PLEKHN1: variants seen among roughly 807,000 people sequenced by gnomAD.
The protein encoded by PLEKHN1 is pleckstrin homology domain-containing family N member 1.
PLEKHN1 carries 68 observed loss-of-function variants against 72.8 expected under a neutral mutation model. The ratio of observed to expected loss-of-function variants is 0.93; its 90% CI spans 0.77 to 1.14. PLEKHN1 has a LOEUF of 1.14. Ranked by LOEUF, PLEKHN1 falls within the 50% of genes most tolerant of loss-of-function variation. The probability of loss-of-function intolerance (pLI) is 0.00; values close to 1 mark genes in which losing one functional copy is unlikely to be tolerated. For missense variants in PLEKHN1, 1,015 were observed against 840.5 expected (o/e 1.21, Z -2.57); for synonymous variants, 454 against 371.6 (o/e 1.22, Z -2.55).
chr1:968,379 C>T (rs1366514853), intron 2 of PLEKHN1, among the ~76,000 whole-genome samples: 1 of 152,252 alleles, frequency 6.6e-6, no homozygotes, highest in Non-Finnish European at 1.5e-5. Flanking sequence ...CCCAGGTTCA[C>T]ACCCGTCCCT....
chr1:972,521 T>G, intron 10 of PLEKHN1, 97 bp downstream of exon 10: 1 of 1,380,462 alleles, frequency 7.2e-7, no homozygotes, highest in Non-Finnish European at 9.6e-7. Context: ...ATCCCAGCAT[T>G]TTAGGAGGCT....
At chr1:966,661 C>G (rs772258930) in intron 1 of PLEKHN1, 43 bp from the exon 2 acceptor site, 16 of 1,586,404 alleles carry the variant, frequency 1.0e-5, no homozygotes, top group Non-Finnish European at 1.4e-5. Context: ...GCTCCCCCAC[C>G]CGCTCCGGGG....
chr1:971,656 C>G, intron 8 of PLEKHN1: 1 of 596,026 alleles, frequency 1.7e-6, no homozygotes, highest in South Asian at 2.0e-5. Context: ...GAGAGCCCCT[C>G]CCGGGGACTC....
intron 13 of PLEKHN1, 56 bp from the exon 14 acceptor site, chr1:973,777 G>A: frequency 1.3e-6 from 2 of 1,578,788 alleles, no homozygotes; most frequent in Middle Eastern, 2.3e-4. Flanking sequence ...ATGGGAGGTT[G>A]AGGTTCTGGG....
intron 2 of PLEKHN1, among the ~76,000 whole-genome samples, chr1:969,900 T>G (rs566035873): frequency 6.6e-6 from 1 of 152,366 alleles, no homozygotes; most frequent in South Asian, 2.1e-4. Flanking sequence ...TATGCATATA[T>G]GTATGCACGT....
intron 2 of PLEKHN1, among the ~76,000 whole-genome samples, chr1:969,139 G>C (rs914294905): frequency 2.6e-5 from 4 of 152,220 alleles, no homozygotes; most frequent in Admixed American, 2.6e-4. Flanking sequence ...CAATACTGCA[G>C]ACGTGGGAGG....
rs530193671 is a variant in PLEKHN1, at chr1:966,614, G to A, written c.83G>A (p.Arg28Lys). ...AGAAAGCCCTCGCTGAAGGGAAACA[G>A]GTGAGCGGGGCGTGGGTGCGGCCAC... Reference protein sequence around the residue: ...FSRKPSLKGNREDSARMSAGL... With the variant: ...FSRKPSLKGNKEDSARMSAGL... Residue 28 changes from arginine to lysine, a missense_variant and splice_region_variant, in exon 1 of 16, where the codon AGA becomes AAA. Transcript: ENST00000379410. The A allele has an allele frequency of 3.7e-6, 6 of 1,608,950 alleles. No individual in the cohort carries two copies. Among genetic ancestry groups the A allele is most frequent in the South Asian group, 3.3e-5 (3 of 90,808 alleles).
chr1:966,913 G>T, intron 2 of PLEKHN1, 110 bp downstream of exon 2: 2 of 1,214,322 alleles, frequency 1.6e-6, no homozygotes, highest in Non-Finnish European at 2.2e-6. Flanking sequence ...GGGGCGTTCA[G>T]ACCCCGGTAG....
chr1:967,725 G>C (rs538325304), intron 2 of PLEKHN1, among the ~76,000 whole-genome samples: 1 of 152,186 alleles, frequency 6.6e-6, no homozygotes, highest in Non-Finnish European at 1.5e-5. Flanking sequence ...TACTGGTTTC[G>C]GAAACCACGC....
chr1:973,379 C>CA, intron 12 of PLEKHN1, 53 bp downstream of exon 12: 1 of 1,558,580 alleles, frequency 6.4e-7, no homozygotes, highest in South Asian at 1.2e-5. Context: ...CGTTCCGCAC[C>CA]ACTGGTCTCT....
intron 13 of PLEKHN1, 51 bp downstream of exon 13, chr1:973,691 G>A (rs1311371154): frequency 6.2e-6 from 10 of 1,601,248 alleles, no homozygotes; most frequent in Non-Finnish European, 8.5e-6. Context: ...TGCAGCCTGA[G>A]GCTGGGGAGG....
At position 971,095 on chromosome 1, in the gene PLEKHN1, C is replaced by T. The variant is rs1485817315; in HGVS notation, c.613-18C>T. The T allele has an allele frequency of 5.0e-6, 8 of 1,587,488 alleles. No individual in the cohort carries two copies. Among genetic ancestry groups the T allele is most frequent in the Non-Finnish European group, 6.9e-6 (8 of 1,167,394 alleles). On this transcript the variant is annotated intron_variant, in intron 6 of 15. Transcript: ENST00000379410. ...CTCACAGGGGTCCTGCGGAGACGAA[C>T]TCCCCTGGACTTTGCAGCGCCGTCT...
intron 12 of PLEKHN1, 74 bp from the exon 13 acceptor site, chr1:973,426 C>T (rs1643442707): frequency 6.3e-7 from 1 of 1,578,920 alleles, no homozygotes; most frequent in East Asian, 2.2e-5. Flanking sequence ...CACCCAGAGG[C>T]CTCTTGCACA....
chr1:967,605 G>A (rs1643078726), intron 2 of PLEKHN1, among the ~76,000 whole-genome samples: 1 of 152,184 alleles, frequency 6.6e-6, no homozygotes, highest in Non-Finnish European at 1.5e-5. Context: ...CCTGGGTCCA[G>A]CAGCTGGCAT....
At chr1:971,303 A>AGCC in intron 7 of PLEKHN1, 21 bp from the exon 8 acceptor site, 36 of 1,494,904 alleles carry the variant, frequency 2.4e-5, no homozygotes, top group Non-Finnish European at 2.9e-5. Context: ...TCATCGCCTG[A>AGCC]CCCCACCCCC....
At chr1:972,046 A>C in intron 8 of PLEKHN1, 29 bp from the exon 9 acceptor site, 3 of 1,604,792 alleles carry the variant, frequency 1.9e-6, no homozygotes, top group Non-Finnish European at 2.6e-6. Flanking sequence ...GCCCCTACAA[A>C]GGCCTGGCCC....
chr1:966,490 G>T lies in PLEKHN1; in HGVS notation c.-42G>T, dbSNP rs1642980442. ...CCGCGGGAGGCGGGGGCAGGAGGCT[G>T]TGGACAGGGACCCAGACTTGCCGAC... On this transcript the variant is annotated 5_prime_UTR_variant, in exon 1 of 16. Transcript: ENST00000379410. The T allele has an allele frequency of 6.4e-7, 1 of 1,552,064 alleles. No individual in the cohort carries two copies. The highest frequency in any genetic ancestry group is 8.8e-7 in the Non-Finnish European group (1 of 1,138,558).
At chr1:967,555 C>T (rs1325465963) in intron 2 of PLEKHN1, among the ~76,000 whole-genome samples, 2 of 152,176 alleles carry the variant, frequency 1.3e-5, no homozygotes, top group African/African-American at 4.8e-5. Context: ...TATGTGCAGG[C>T]CCTAGGAGCA....
chr1:967,931 G>A (rs968536506), intron 2 of PLEKHN1, among the ~76,000 whole-genome samples: 1 of 152,204 alleles, frequency 6.6e-6, no homozygotes, highest in Non-Finnish European at 1.5e-5. Context: ...GCAACAACCT[G>A]CTGAACCTCG....
Sources: allele counts gnomAD v4.1 joint callset (sites outside exome capture counted in the v4.1 genomes callset), GRCh38; gene constraint gnomAD v4.1.1; transcripts MANE v1.5; gene names NCBI Gene and HGNC (gene_info 2026-07-23, HGNC 2026-07-21).